LIG1: variants seen among roughly 807,000 people sequenced by gnomAD.
LIG1 encodes ligase I, DNA, ATP-dependent.
LIG1 carries 70 observed loss-of-function variants against 115.7 expected under a neutral mutation model. That is an observed-to-expected ratio of 0.60 (90% confidence interval 0.50 to 0.74). The LOEUF (loss-of-function observed/expected upper bound fraction) is 0.74, where lower values mean the gene tolerates loss of function less well. Ranked by LOEUF, LIG1 falls within the 30% of genes least tolerant of loss-of-function variation. The pLI, the probability that LIG1 is intolerant of heterozygous loss-of-function variation, is 0.00. For synonymous variants in LIG1, 487 were observed against 495.3 expected (o/e 0.98, Z 0.22); for missense variants, 1,115 against 1,225.6 (o/e 0.91, Z 1.35).
chr19:48,123,080 G>C, intron 22 of LIG1, 64 bp from the exon 23 acceptor site: 1 of 1,611,838 alleles, frequency 6.2e-7, no homozygotes, highest in South Asian at 1.1e-5. Flanking sequence ...GAGCAGGCAG[G>C]ATTCTGGTCA....
intron 8 of LIG1, 103 bp downstream of exon 8, chr19:48,149,985 G>A (rs1374744693): frequency 5.0e-6 from 8 of 1,593,022 alleles, no homozygotes; most frequent in Non-Finnish European, 6.0e-6. Flanking sequence ...CAACCAGCAG[G>A]AAAGGAAGAA....
chr19:48,130,937 T>C, intron 19 of LIG1, 139 bp downstream of exon 19: 1 of 710,072 alleles, frequency 1.4e-6, no homozygotes, highest in Non-Finnish European at 2.5e-6. Context: ...GACTGAGTGC[T>C]CTGTCATTTG....
chr19:48,143,814 C>A, intron 10 of LIG1, 69 bp downstream of exon 10: 1 of 1,373,798 alleles, frequency 7.3e-7, no homozygotes, highest in South Asian at 1.2e-5. Context: ...CCAACCAAGA[C>A]TCTGCTTAGA....
chr19:48,133,467 C>G (rs908949450), intron 17 of LIG1: 1 of 324,334 alleles, frequency 3.1e-6, no homozygotes, highest in South Asian at 3.1e-5. Flanking sequence ...CAGAGGGACA[C>G]AGGAACCTGG....
intron 18 of LIG1, 21 bp from the exon 19 acceptor site, chr19:48,131,192 A>G: frequency 1.9e-6 from 3 of 1,591,756 alleles, no homozygotes; most frequent in Non-Finnish European, 2.6e-6. Context: ...GGGAGAAGGG[A>G]GGGGAAATCA....
At chr19:48,116,494 T>C (rs1026987102) in intron 26 of LIG1, among the ~76,000 whole-genome samples, 1 of 148,202 alleles carries the variant, frequency 6.7e-6, no homozygotes, top group Non-Finnish European at 1.5e-5. Flanking sequence ...GTTACGATAA[T>C]GACGGTAATT....
chr19:48,143,749 T>A (rs1369039380), intron 10 of LIG1, 134 bp downstream of exon 10: 2 of 1,069,520 alleles, frequency 1.9e-6, no homozygotes, highest in Non-Finnish European at 2.9e-6. Flanking sequence ...CTCTGTCCCT[T>A]TCAATGCTGC....
intron 9 of LIG1, among the ~76,000 whole-genome samples, chr19:48,148,707 C>T (rs185257876): frequency 1.1e-4 from 16 of 152,196 alleles, no homozygotes; most frequent in African/African-American, 3.9e-4. Flanking sequence ...ATTTATCCAC[C>T]CACGCATCCA....
At position 48,157,045 on chromosome 19, in the gene LIG1, A is replaced by G. The variant is rs1195397433; in HGVS notation, c.339T>C (p.Ser113=). ...GACGCTTCGGAATCCCTGATGGGGA[A>G]CTGTCCATGGGAGAGGTGTCAGAGA... ...ASLSDTSPMD[S]SPSGIPKRRT... The change falls in exon 5 of 28, where the codon AGT becomes AGC. Residue 113 remains serine (S), a synonymous_variant. Transcript: ENST00000263274. The G allele has an allele frequency of 6.2e-7, 1 of 1,609,038 alleles. No homozygotes were observed. The highest frequency in any genetic ancestry group is 1.7e-5 in the Admixed American group (1 of 59,802).
chr19:48,137,172 T>G lies in LIG1; in HGVS notation c.1255-88A>C, dbSNP rs1222074569. ...CCAGCCGTGCTGCTGCCCTGCATTT[T>G]GGAATACCTGCCCTCCTTCCCTCAC... On this transcript the variant is annotated intron_variant, in intron 13 of 27. Transcript: ENST00000263274. This position sits in a 1 kb window ranked among gnomAD's most constrained non-coding sequence, Gnocchi z 4.3. The G allele has an allele frequency of 9.0e-7, 1 of 1,105,964 alleles. No homozygotes were observed. Among genetic ancestry groups the G allele is most frequent in the African/African-American group, 1.5e-5 (1 of 65,040 alleles). The allele number at this position is 1,105,964 out of a possible 1,614,324, so 68.5% of individuals were successfully genotyped here. A position where few individuals can be genotyped will look rare whatever the true frequency, so the allele number is the denominator to read the frequency against.
At position 48,137,931 on chromosome 19, in the gene LIG1, A is replaced by G. The variant is rs988989677; in HGVS notation, c.1088-243T>C. 25 of 595,120 alleles carry G rather than the reference A, an allele frequency of 4.2e-5. No individual in the cohort carries two copies. Among genetic ancestry groups the G allele is most frequent in the African/African-American group, 3.1e-4 (17 of 53,972 alleles). 36.9% of individuals were successfully genotyped at this position (595,120 alleles called of 1,614,324 possible). A position where few individuals can be genotyped will look rare whatever the true frequency, so the allele number is the denominator to read the frequency against. On this transcript the variant is annotated intron_variant, in intron 12 of 27. Coordinates refer to ENST00000263274, the MANE Select transcript of LIG1 (RefSeq NM_000234.3). This position sits in a 1 kb window ranked among gnomAD's most constrained non-coding sequence, Gnocchi z 4.3. ...CCAGGAAAGCGGTGGATGAACGAGC[A>G]TGACCACACTCAGGGGAGACATCTG... is the stretch of plus-strand genomic sequence containing the variant.
At chr19:48,119,705 A>AT (rs1186714479) in intron 24 of LIG1, among the ~76,000 whole-genome samples, 2 of 151,726 alleles carry the variant, frequency 1.3e-5, no homozygotes, top group African/African-American at 2.4e-5. Context: ...CGCCTGGCTA[A>AT]TTTTTTAAAA....
At chr19:48,125,387 T>C (rs2033595873) in intron 21 of LIG1, among the ~76,000 whole-genome samples, 1 of 152,182 alleles carries the variant, frequency 6.6e-6, no homozygotes, top group East Asian at 1.9e-4. Flanking sequence ...AGTAATTTCA[T>C]GTAGTGAAAC....
At chr19:48,141,875 C>G (rs765853709) in intron 11 of LIG1, among the ~76,000 whole-genome samples, 7 of 152,130 alleles carry the variant, frequency 4.6e-5, no homozygotes, top group Admixed American at 2.0e-4. Flanking sequence ...ACAGCCCCCC[C>G]AAAATTCAGG....
At chr19:48,159,196 GCCT>G (rs1235800441) in intron 4 of LIG1, among the ~76,000 whole-genome samples, 2 of 151,718 alleles carry the variant, frequency 1.3e-5, no homozygotes, top group Non-Finnish European at 2.9e-5. Flanking sequence ...TCCTGCCTCA[GCCT>G]CCCAAGTAGC....
At chr19:48,124,501 T>A (rs1280212671) in intron 21 of LIG1, among the ~76,000 whole-genome samples, 1 of 152,194 alleles carries the variant, frequency 6.6e-6, no homozygotes, top group Admixed American at 6.5e-5. Context: ...GTGTAGCAAT[T>A]GAGCCCTTGA....
chr19:48,122,359 GC>G lies in LIG1; in HGVS notation c.2232+574del. The G allele has an allele frequency of 6.1e-6, 1 of 164,108 alleles. No homozygotes were observed. 10.2% of individuals were successfully genotyped at this position (164,108 alleles called of 1,614,324 possible). ...GAAGATCCAGTTTTATCTCACAGTG[GC>G]CCCAGGTGCTGCCTCATCTGGGGCC... On this transcript the variant is annotated intron_variant, in intron 23 of 27. Transcript: ENST00000263274. The surrounding 1 kb of genome is among the most constrained non-coding windows in gnomAD (Gnocchi z 4.3).
intron 16 of LIG1, among the ~76,000 whole-genome samples, chr19:48,134,606 T>G (rs7247570): frequency 0.12 from 18,393 of 152,258 alleles, 1,838 homozygotes; most frequent in African/African-American, 0.27. Flanking sequence ...TGCAGTGAGC[T>G]GAGATTGTGC....
At chr19:48,147,780 G>C (rs993748336) in intron 9 of LIG1, among the ~76,000 whole-genome samples, 25 of 152,048 alleles carry the variant, frequency 1.6e-4, no homozygotes, top group African/African-American at 5.8e-4. Context: ...TCAGTCCTTT[G>C]TAAATACTTA....
Sources: allele counts gnomAD v4.1 joint callset (sites outside exome capture counted in the v4.1 genomes callset), GRCh38; gene constraint gnomAD v4.1.1; non-coding constraint Gnocchi (gnomAD v3.1); transcripts MANE v1.5; gene names NCBI Gene and HGNC (gene_info 2026-07-23, HGNC 2026-07-21).